Variants in SLC25A26 observed in about 807,000 individuals in gnomAD.
The protein encoded by SLC25A26 is mitochondrial S-adenosylmethionine carrier protein.
A neutral mutation model predicts 37.8 loss-of-function variants in SLC25A26; 36 were observed. That is an observed-to-expected ratio of 0.95 (90% CI 0.73 to 1.26). The LOEUF is 1.26. Ranked by LOEUF, SLC25A26 falls within the 50% of genes most tolerant of loss-of-function variation. The pLI is 0.00. For synonymous variants in SLC25A26, 129 were observed against 122.5 expected, an observed-to-expected ratio of 1.05 and a Z score of -0.35; for missense variants, 390 against 331.1, an observed-to-expected ratio of 1.18 and a Z score of -1.38.
intron 3 of SLC25A26, among the ~76,000 whole-genome samples, chr3:66,244,282 G>A (rs1228170254): frequency 6.6e-6 from 1 of 152,190 alleles, no homozygotes; most frequent in Admixed American, 6.5e-5. Context: ...TTCAGGAGAT[G>A]TAACAAGCCC....
At chr3:66,298,863 G>T (rs1367725549) in intron 5 of SLC25A26, among the ~76,000 whole-genome samples, 1 of 152,090 alleles carries the variant, frequency 6.6e-6, no homozygotes, top group African/African-American at 2.4e-5. Flanking sequence ...GCTTCATTTG[G>T]CATAGGTTGT....
intron 1 of SLC25A26, among the ~76,000 whole-genome samples, chr3:66,175,107 G>GTATA (rs1201695553): frequency 0.04 from 3,183 of 78,918 alleles, 56 homozygotes; most frequent in South Asian, 0.06. Context: ...ATATGTGTGT[G>GTATA]TGTATATATA....
intron 5 of SLC25A26, among the ~76,000 whole-genome samples, chr3:66,308,045 A>G (rs965200706): frequency 2.6e-5 from 4 of 152,220 alleles, no homozygotes; most frequent in South Asian, 2.1e-4. Flanking sequence ...AAGAAAGTCA[A>G]TGGTAGCTTG....
chr3:66,179,250 T>C (rs1453856120), intron 1 of SLC25A26, among the ~76,000 whole-genome samples: 1 of 152,212 alleles, frequency 6.6e-6, no homozygotes, highest in African/African-American at 2.4e-5. Context: ...GACCTATAAA[T>C]GTAGCATCAA....
chr3:66,230,826 A>C (rs1336849387), intron 1 of SLC25A26, among the ~76,000 whole-genome samples: 6 of 150,530 alleles, frequency 4.0e-5, no homozygotes, highest in South Asian at 2.1e-4. Flanking sequence ...AAAACAAAAA[A>C]AAACCAGAAT....
At chr3:66,241,748 A>G (rs1179614464) in intron 2 of SLC25A26, among the ~76,000 whole-genome samples, 2 of 152,040 alleles carry the variant, frequency 1.3e-5, no homozygotes, top group Non-Finnish European at 2.9e-5. Context: ...ACAGAACTTC[A>G]CTGTAGTTGA....
At chr3:66,246,814 C>G (rs1162576042) in intron 3 of SLC25A26, among the ~76,000 whole-genome samples, 1 of 152,182 alleles carries the variant, frequency 6.6e-6, no homozygotes, top group African/African-American at 2.4e-5. Context: ...TCCTCAGTAG[C>G]TGAGACTACT....
At chr3:66,170,278 C>A (rs2070477408) in intron 1 of SLC25A26, among the ~76,000 whole-genome samples, 1 of 152,184 alleles carries the variant, frequency 6.6e-6, no homozygotes, top group Non-Finnish European at 1.5e-5. Flanking sequence ...CGGCTTTACA[C>A]CTCAGGTATG....
chr3:66,338,527 G>A (rs2076140477), intron 5 of SLC25A26, among the ~76,000 whole-genome samples: 1 of 151,686 alleles, frequency 6.6e-6, no homozygotes, highest in Non-Finnish European at 1.5e-5. Context: ...TTTATATCGT[G>A]GTAAAATTGC....
At chr3:66,240,697 A>G (rs1017746498) in intron 2 of SLC25A26, among the ~76,000 whole-genome samples, 1 of 151,518 alleles carries the variant, frequency 6.6e-6, no homozygotes. Flanking sequence ...AAAATAGGCT[A>G]GTATCTAAAT....
rs543817537 is a variant in SLC25A26, at chr3:66,345,701, G to C, written c.454-663G>C. ...CCCTTACCTTCCTTCTCTCTCCTCT[G>C]TGTTTCTCCTTTAAATCCTAACACT... On this transcript the variant is annotated intron_variant, in intron 5 of 9. Coordinates refer to ENST00000354883, the MANE Select transcript of SLC25A26 (RefSeq NM_001379210.1). Among the ~76,000 whole-genome samples, 4 of 151,838 alleles carry C rather than the reference G, an allele frequency of 2.6e-5. No individual in the cohort carries two copies. The South Asian group carries it at 8.3e-4, about 32-fold the overall frequency.
intron 6 of SLC25A26, chr3:66,356,066 G>A (rs1260472178): frequency 1.1e-5 from 5 of 456,170 alleles, no homozygotes; most frequent in Admixed American, 4.7e-5. Flanking sequence ...GAATAGAGCA[G>A]CTAAAGAAGT....
At chr3:66,150,605 TATA>T (rs2070190230) in intron 1 of SLC25A26, among the ~76,000 whole-genome samples, 1 of 1,066 alleles carries the variant, frequency 9.4e-4, no homozygotes, top group East Asian at 0.015. Flanking sequence ...TGTAATGAGA[TATA>T]TATATATATA....
intron 1 of SLC25A26, among the ~76,000 whole-genome samples, chr3:66,150,233 C>G (rs913853802): frequency 2.6e-5 from 4 of 151,812 alleles, no homozygotes; most frequent in African/African-American, 9.7e-5. Flanking sequence ...CATGGTGGCA[C>G]ACACCTTTAA....
At chr3:66,285,100 G>A (rs551967837) in intron 5 of SLC25A26, among the ~76,000 whole-genome samples, 130 of 152,230 alleles carry the variant, frequency 8.5e-4, no homozygotes, top group South Asian at 2.1e-3. Flanking sequence ...TTCTTTACCT[G>A]AGTAAATGTG....
At chr3:66,289,879 A>G (rs2074645892) in intron 5 of SLC25A26, among the ~76,000 whole-genome samples, 1 of 152,218 alleles carries the variant, frequency 6.6e-6, no homozygotes, top group African/African-American at 2.4e-5. Context: ...CTTGATGGGA[A>G]TAACATTGAA....
intron 1 of SLC25A26, among the ~76,000 whole-genome samples, chr3:66,208,870 G>GTGTATA (rs1364331517): frequency 1.8e-4 from 10 of 55,888 alleles, no homozygotes; most frequent in African/African-American, 3.2e-4. Context: ...ATGGGTGTGT[G>GTGTATA]TATATATATA....
chr3:66,331,113 C>T (rs1007757915), intron 5 of SLC25A26, among the ~76,000 whole-genome samples: 7 of 152,036 alleles, frequency 4.6e-5, no homozygotes, highest in African/African-American at 1.7e-4. Context: ...ATATATAACT[C>T]TGGTACTATG....
At chr3:66,233,340 A>T (rs1476787614) in intron 1 of SLC25A26, among the ~76,000 whole-genome samples, 1 of 152,240 alleles carries the variant, frequency 6.6e-6, no homozygotes, top group Non-Finnish European at 1.5e-5. Flanking sequence ...TGAGGTCTCG[A>T]TACATTGTGA....
Sources: gnomAD v4.1 joint callset for allele counts (sites outside exome capture counted in the v4.1 genomes callset) on GRCh38, gnomAD v4.1.1 for gene constraint, MANE v1.5 for transcripts, NCBI Gene and HGNC (gene_info 2026-07-23, HGNC 2026-07-21) for gene names.